The following CSMD1 variants were observed in gnomAD, a reference collection of about 807,000 sequenced individuals.
CSMD1 encodes CUB and sushi domain-containing protein 1.
A neutral mutation model predicts 417.5 loss-of-function variants in CSMD1; 213 were observed. That is an observed-to-expected ratio of 0.51 (90% CI 0.46 to 0.57). The LOEUF (loss-of-function observed/expected upper bound fraction) is 0.57, where lower values mean the gene tolerates loss of function less well. CSMD1 is among the 20% of genes least tolerant of loss of function. CSMD1 has a pLI of 0.00. For synonymous variants in CSMD1, 2,862 were observed against 1,736.8 expected (o/e 1.65, Z -16.11); for missense variants, 6,923 against 4,529.7 (o/e 1.53, Z -15.17).
At chr8:4,240,715 G>C (rs1374255677) in intron 3 of CSMD1, among the ~76,000 whole-genome samples, 2 of 152,104 alleles carry the variant, frequency 1.3e-5, no homozygotes, top group South Asian at 2.1e-4. Flanking sequence ...AAAAAATGCA[G>C]TTGATGCCAA....
intron 9 of CSMD1, among the ~76,000 whole-genome samples, chr8:3,582,444 T>C (rs1009392504): frequency 6.6e-6 from 1 of 152,144 alleles, no homozygotes; most frequent in Non-Finnish European, 1.5e-5. Flanking sequence ...AGAAAGAGTG[T>C]TCTACAGAGG....
At chr8:3,382,432 A>G (rs1222314896) in intron 18 of CSMD1, among the ~76,000 whole-genome samples, 1 of 143,568 alleles carries the variant, frequency 7.0e-6, no homozygotes, top group Admixed American at 7.2e-5. Context: ...AATATATTAT[A>G]TAATAACATA....
At chr8:4,024,601 C>T (rs1416571979) in intron 4 of CSMD1, among the ~76,000 whole-genome samples, 1 of 152,052 alleles carries the variant, frequency 6.6e-6, no homozygotes, top group Non-Finnish European at 1.5e-5. Context: ...TTTCCCTGCC[C>T]ATTTCTTAAG....
chr8:3,195,634 A>T (rs1229277112), intron 33 of CSMD1, among the ~76,000 whole-genome samples: 1 of 152,160 alleles, frequency 6.6e-6, no homozygotes, highest in Non-Finnish European at 1.5e-5. Context: ...AGGTCCTGCC[A>T]GTCCCTGCTT....
intron 3 of CSMD1, among the ~76,000 whole-genome samples, chr8:4,151,002 G>T (rs1190223986): frequency 1.3e-5 from 2 of 152,234 alleles, no homozygotes; most frequent in South Asian, 2.1e-4. Context: ...TTGGAGAAAT[G>T]ATGCAAGAGA....
chr8:3,288,264 C>G (rs1421994288), intron 25 of CSMD1, among the ~76,000 whole-genome samples: 3 of 147,042 alleles, frequency 2.0e-5, no homozygotes, highest in East Asian at 2.0e-4. Flanking sequence ...CTAAAGTTCT[C>G]TTTTTTTGTT....
chr8:4,853,646 C>T (rs1007274169), intron 1 of CSMD1, among the ~76,000 whole-genome samples: 51 of 152,316 alleles, frequency 3.3e-4, no homozygotes, highest in African/African-American at 1.2e-3. Context: ...GGAATGTCCC[C>T]ACTGGAACAC....
intron 2 of CSMD1, among the ~76,000 whole-genome samples, chr8:4,434,705 T>C (rs1291114371): frequency 1.3e-5 from 2 of 152,132 alleles, no homozygotes; most frequent in Admixed American, 6.5e-5. Flanking sequence ...AACAAATGTT[T>C]TCATGCCCCT....
intron 1 of CSMD1, among the ~76,000 whole-genome samples, chr8:4,869,836 A>G (rs1380341662): frequency 1.3e-5 from 2 of 152,040 alleles, no homozygotes; most frequent in Middle Eastern, 3.2e-3. Context: ...TTAATTTATC[A>G]TATATTCTCT....
intron 6 of CSMD1, among the ~76,000 whole-genome samples, chr8:3,714,706 C>T (rs1182742460): frequency 1.3e-5 from 2 of 152,052 alleles, no homozygotes; most frequent in Non-Finnish European, 2.9e-5. Flanking sequence ...CACTGTACTC[C>T]AGCCTGGGCC....
At chr8:3,871,106 A>G (rs35861123) in intron 5 of CSMD1, among the ~76,000 whole-genome samples, 12,298 of 152,122 alleles carry the variant, frequency 0.081, 542 homozygotes, top group South Asian at 0.15. Context: ...CTATTAATAG[A>G]CATCTAGAAT....
At chr8:3,145,670 G>A (rs1241466287) in intron 40 of CSMD1, among the ~76,000 whole-genome samples, 1 of 152,146 alleles carries the variant, frequency 6.6e-6, no homozygotes, top group African/African-American at 2.4e-5. Context: ...GAATTATCTA[G>A]CTATCTAATT....
intron 7 of CSMD1, among the ~76,000 whole-genome samples, chr8:3,632,050 G>T (rs1429640510): frequency 6.6e-6 from 1 of 152,276 alleles, no homozygotes; most frequent in African/African-American, 2.4e-5. Flanking sequence ...ATTTACATAA[G>T]AAAGTAATTG....
intron 10 of CSMD1, among the ~76,000 whole-genome samples, chr8:3,538,959 G>C (rs1798322360): frequency 1.3e-5 from 2 of 152,174 alleles, no homozygotes; most frequent in African/African-American, 4.8e-5. Flanking sequence ...TGTCATCAAA[G>C]CATCTCCCTT....
chr8:3,921,360 A>AGGT (rs2129144169), intron 5 of CSMD1, among the ~76,000 whole-genome samples: 1 of 151,590 alleles, frequency 6.6e-6, no homozygotes, highest in East Asian at 1.9e-4. Context: ...AGTATTTTTC[A>AGGT]TTTTTCTTTA....
rs200934039 is a variant in CSMD1, at chr8:3,188,962, G to A, written c.5448C>T (p.Pro1816=). 1.0e-3 allele frequency: 1,677 copies of A among 1,612,688 alleles called. 20 individuals are homozygous for A. The South Asian group carries it at 0.015, about 15-fold the overall frequency. ...FTQRRGTILS[P]GYPEPYGNNL... The stretch of plus-strand genomic sequence containing the variant: ...TGTTTCCGTATGGCTCAGGGTAGCC[G>A]GGGGACAGGATTGTACCTCTTCGTT... Residue 1816 remains proline (P), a synonymous_variant, in exon 35 of 70, where the codon CCC becomes CCT. Transcript: ENST00000635120.
chr8:3,759,108 G>A (rs1372041722), intron 5 of CSMD1, among the ~76,000 whole-genome samples: 2 of 152,196 alleles, frequency 1.3e-5, no homozygotes, highest in Non-Finnish European at 2.9e-5. Context: ...TCTATTTACT[G>A]AACATAATAA....
chr8:3,791,642 G>T (rs1211315742), intron 5 of CSMD1, among the ~76,000 whole-genome samples: 1 of 152,090 alleles, frequency 6.6e-6, no homozygotes, highest in African/African-American at 2.4e-5. Context: ...TGGTCAGCAT[G>T]GCAAAAACCC....
intron 3 of CSMD1, among the ~76,000 whole-genome samples, chr8:4,150,416 T>G (rs1284457364): frequency 6.6e-6 from 1 of 152,342 alleles, no homozygotes; most frequent in East Asian, 1.9e-4. Flanking sequence ...CTCTTATCTT[T>G]GGATGGCAGG....
Sources: gnomAD v4.1 joint callset for allele counts (sites outside exome capture counted in the v4.1 genomes callset) on GRCh38, gnomAD v4.1.1 for gene constraint, MANE v1.5 for transcripts, NCBI Gene and HGNC (gene_info 2026-07-23, HGNC 2026-07-21) for gene names.